The following TENM4 variants were observed in gnomAD, a reference collection of about 807,000 sequenced individuals.
TENM4 encodes teneurin-4.
In TENM4, 82 loss-of-function variants were observed where a neutral mutation model predicts 243.3. The observed-to-expected ratio is 0.34, with a 90% CI of 0.28 to 0.40. TENM4 has a LOEUF of 0.40. Among genes scored for constraint, TENM4 ranks in the 10% least tolerant of loss-of-function variants. The probability of loss-of-function intolerance (pLI) is 1.00; values close to 1 mark genes in which losing one functional copy is unlikely to be tolerated. For missense variants in TENM4, 3,138 were observed against 3,673.3 expected (o/e 0.85, Z 3.77); for synonymous variants, 1,412 against 1,456.3 (o/e 0.97, Z 0.69).
Position 78,814,371 on chromosome 11 carries a change from T to G in TENM4, c.1706A>C (p.Asn569Thr), listed in dbSNP as rs1199814228. 10 of 1,549,364 alleles carry G rather than the reference T, an allele frequency of 6.5e-6. No homozygotes were observed. Among genetic ancestry groups the G allele is most frequent in the Non-Finnish European group, 8.7e-6 (10 of 1,146,128 alleles). Residue 569 changes from asparagine (N) to threonine (T), a missense_variant, in exon 13 of 34, where the codon AAC (asparagine) becomes ACC (threonine). By Grantham distance (65) the Asn-to-Thr change is moderately conservative (BLOSUM62 0). Coordinates refer to ENST00000278550, the MANE Select transcript of TENM4 (RefSeq NM_001098816.3). Reference protein sequence around the residue: ...AIESVDNCPSNCYGNGDCISG... With the variant: ...AIESVDNCPSTCYGNGDCISG... ...GATGCAGTCACCATTGCCATAGCAG[T>G]TGCTGGGGCAGTTATCCACCGACTC...
rs1857919541 is a variant in TENM4 at position 78,657,292 on chromosome 11, G to A, written c.*766C>T. The A allele has an allele frequency of 1.3e-5, 5 of 398,170 alleles. No individual in the cohort carries two copies. Among genetic ancestry groups the A allele is most frequent in the Non-Finnish European group, 2.2e-5 (5 of 226,196 alleles). The allele number at this position is 398,170 out of a possible 1,614,324, so 24.7% of individuals were successfully genotyped here. A position where few individuals can be genotyped will look rare whatever the true frequency, so the allele number is the denominator to read the frequency against. ...GCCCAGGATGTTATGTCACTGGTCT[G>A]GGGGAAAGGACCTGGGAGACACTTT... is the stretch of plus-strand genomic sequence containing the variant. On this transcript the variant is annotated 3_prime_UTR_variant, in exon 34 of 34. Transcript: ENST00000278550.
At chr11:79,100,018 G>C (rs1355571038) in intron 4 of TENM4, among the ~76,000 whole-genome samples, 4 of 152,160 alleles carry the variant, frequency 2.6e-5, no homozygotes, top group Admixed American at 2.6e-4. Context: ...TTCACGCCAG[G>C]GCCGTTTTTA....
rs538320988 is a variant in TENM4, at chr11:78,836,147, C to T, written c.1681+17957G>A. ...CCGAGGTGGATGGGTCACCTGAGGTCAGGAGTTCGAGAACAGCCTCACCAA... is the reference window on the plus strand; with the variant it reads ...CCGAGGTGGATGGGTCACCTGAGGTTAGGAGTTCGAGAACAGCCTCACCAA... On this transcript the variant is annotated intron_variant, in intron 12 of 33. Coordinates refer to ENST00000278550, the MANE Select transcript of TENM4 (RefSeq NM_001098816.3). 1.1e-3 allele frequency among the ~76,000 whole-genome samples: 173 copies of T among 152,262 alleles called. 1 individual carries two copies. The highest frequency in any genetic ancestry group is 4.0e-3 in the African/African-American group (167 of 41,538).
intron 26 of TENM4, among the ~76,000 whole-genome samples, chr11:78,710,930 A>ACTGTTTTAAAC (rs1280935603): frequency 6.6e-6 from 1 of 152,152 alleles, no homozygotes; most frequent in Non-Finnish European, 1.5e-5. Context: ...CTTAGAAAAA[A>ACTGTTTTAAAC]CTGTTTTAAA....
In TENM4 at chr11:79,438,429, C is replaced by T. The variant is rs561999937; in HGVS notation, c.-321+2080G>A. Among the ~76,000 whole-genome samples the T allele has an allele frequency of 6.6e-6, 1 of 152,180 alleles. No homozygotes were observed. The highest frequency in any genetic ancestry group is 1.9e-4 in the East Asian group (1 of 5,184). ...GAACGGAAGCCATACCCGACCCCAG[C>T]CCCATCCCGTCCCCATCAGCGCCGG... On this transcript the variant is annotated intron_variant, in intron 1 of 33. Coordinates refer to ENST00000278550, the MANE Select transcript of TENM4 (RefSeq NM_001098816.3). This position sits in a 1 kb window ranked among gnomAD's most constrained non-coding sequence, Gnocchi z 4.1.
intron 15 of TENM4, among the ~76,000 whole-genome samples, chr11:78,787,529 G>A (rs1267827138): frequency 6.6e-6 from 1 of 152,182 alleles, no homozygotes; most frequent in Non-Finnish European, 1.5e-5. Flanking sequence ...TTCGCCCAAT[G>A]AAGTGCTTGT....
intron 1 of TENM4, among the ~76,000 whole-genome samples, chr11:79,316,148 G>A (rs7951124): frequency 0.19 from 29,165 of 152,010 alleles, 2,888 homozygotes; most frequent in African/African-American, 0.24. Flanking sequence ...CCAGGATTCT[G>A]AGACAGGAGA....
chr11:79,037,424 A>C (rs1859417089), intron 6 of TENM4, among the ~76,000 whole-genome samples: 9 of 152,214 alleles, frequency 5.9e-5, no homozygotes, highest in Admixed American at 5.2e-4. Flanking sequence ...GTCTAATGAG[A>C]ATCTCCTTCT....
rs139501630 is a variant in TENM4 at position 79,416,192 on chromosome 11, C to T, written c.-321+24317G>A. 1.4e-3 allele frequency among the ~76,000 whole-genome samples: 210 copies of T among 152,286 alleles called. 1 individual carries two copies. Among genetic ancestry groups the T allele is most frequent in the African/African-American group, 4.9e-3 (204 of 41,562 alleles). On this transcript the variant is annotated intron_variant, in intron 1 of 33. Transcript: ENST00000278550. ...TTTTTGGCTATTACAAATAGAGGTG[C>T]CTCAAACATTCTTGTACAGGTCTTT...
chr11:78,997,316 G>A lies in TENM4; in HGVS notation c.493+67422C>T, dbSNP rs996041066. ...CTGGAGACTCAGGCAAATCCCATCA[G>A]TCTCCAAAGTTTACATATGTCCTTG... On this transcript the variant is annotated intron_variant, in intron 6 of 33. Coordinates refer to ENST00000278550, the MANE Select transcript of TENM4 (RefSeq NM_001098816.3). 9.9e-5 allele frequency among the ~76,000 whole-genome samples: 15 copies of A among 152,170 alleles called. 1 individual carries two copies. The highest frequency in any genetic ancestry group is 6.2e-4 in the South Asian group (3 of 4,830).
At chr11:79,357,284 C>T (rs190797749) in intron 1 of TENM4, among the ~76,000 whole-genome samples, 6 of 152,312 alleles carry the variant, frequency 3.9e-5, no homozygotes, top group African/African-American at 9.6e-5. Flanking sequence ...TTAGGTTGTC[C>T]CCAAAGATGC....
In TENM4 at chr11:78,697,282, C is replaced by A. The variant is rs536583956; in HGVS notation, c.5087+4244G>T. ...TTTCTCCCCGGAGCTGGTGCATCTG[C>A]CCACAAGCAGCAAGATGTGGTGCAG... is the stretch of plus-strand genomic sequence containing the variant. On this transcript the variant is annotated intron_variant, in intron 28 of 33. Coordinates refer to ENST00000278550, the MANE Select transcript of TENM4 (RefSeq NM_001098816.3). 4.6e-5 allele frequency among the ~76,000 whole-genome samples: 7 copies of A among 152,300 alleles called. No homozygotes were observed. The East Asian group carries it at 1.4e-3, about 29-fold the overall frequency.
chr11:78,984,454 C>T (rs944619131), intron 6 of TENM4, among the ~76,000 whole-genome samples: 4 of 152,172 alleles, frequency 2.6e-5, no homozygotes, highest in African/African-American at 9.7e-5. Context: ...CAGAGTCCCA[C>T]TGGTGAACTA....
chr11:78,902,965 G>T (rs1255463877), intron 7 of TENM4, among the ~76,000 whole-genome samples: 1 of 152,174 alleles, frequency 6.6e-6, no homozygotes, highest in African/African-American at 2.4e-5. Context: ...GTTCCGTCCC[G>T]CAAACATCAT....
chr11:78,794,870 G>A (rs1418059429), intron 15 of TENM4, among the ~76,000 whole-genome samples: 1 of 152,186 alleles, frequency 6.6e-6, no homozygotes, highest in Non-Finnish European at 1.5e-5. Context: ...TTCTCTAGAT[G>A]GGAAAACTAG....
intron 1 of TENM4, among the ~76,000 whole-genome samples, chr11:79,335,141 G>A (rs565225414): frequency 6.6e-6 from 1 of 152,194 alleles, no homozygotes; most frequent in South Asian, 2.1e-4. Context: ...GCTCCCGGAG[G>A]ACAGGGATTG....
chr11:79,391,446 G>A (rs556249085), intron 1 of TENM4, among the ~76,000 whole-genome samples: 191 of 152,148 alleles, frequency 1.3e-3, no homozygotes, highest in Non-Finnish European at 1.9e-3. Context: ...ACATGTCTTT[G>A]GGAACTACTG....
At chr11:78,770,962 G>A (rs201739137) in intron 18 of TENM4, 30 bp downstream of exon 18, 89 of 1,564,858 alleles carry the variant, frequency 5.7e-5, no homozygotes, top group African/African-American at 1.2e-4. Flanking sequence ...CTCTGGAGCC[G>A]CCTGGAGCCC....
At chr11:79,066,189 A>C (rs1408014005) in intron 5 of TENM4, among the ~76,000 whole-genome samples, 1 of 152,218 alleles carries the variant, frequency 6.6e-6, no homozygotes, top group Non-Finnish European at 1.5e-5. Context: ...GGGGAGATCC[A>C]CAGAGTGCTC....
Sources: gnomAD v4.1 joint callset for allele counts (sites outside exome capture counted in the v4.1 genomes callset) on GRCh38, gnomAD v4.1.1 for gene constraint, Gnocchi (gnomAD v3.1) non-coding constraint, MANE v1.5 for transcripts, NCBI Gene and HGNC (gene_info 2026-07-23, HGNC 2026-07-21) for gene names.